The following NDNF variants were observed in gnomAD, a reference collection of about 807,000 sequenced individuals.
The protein encoded by NDNF is neuron derived neurotrophic factor.
Under a neutral mutation model 42.0 loss-of-function variants are expected in NDNF, and 16 were observed. The observed-to-expected ratio is 0.38, with a 90% CI of 0.26 to 0.58. The LOEUF is 0.58. NDNF is among the 20% of genes least tolerant of loss of function. The pLI is 0.67. For missense variants in NDNF, 616 were observed against 666.2 expected, an observed-to-expected ratio of 0.92 and a Z score of 0.83; for synonymous variants, 248 against 251.7, an observed-to-expected ratio of 0.99 and a Z score of 0.14.
At position 121,072,018 on chromosome 4, in the gene NDNF, G is replaced by A. The variant is rs1475317738; in HGVS notation, c.-27C>T. On this transcript the variant is annotated 5_prime_UTR_variant, in exon 1 of 4. Coordinates refer to ENST00000379692, the MANE Select transcript of NDNF (RefSeq NM_024574.4). ...CTTAAAAAGATCTGTTTTTCGTAGG[G>A]AAAATAGAAAAAAATCCCTCCCCGT... 6.6e-6 allele frequency: 1 copy of A among 152,216 alleles called. No homozygotes were observed. The highest frequency in any genetic ancestry group is 2.4e-5 in the African/African-American group (1 of 41,398). 9.4% of individuals were successfully genotyped at this position (152,216 alleles called of 1,614,324 possible). A position where few individuals can be genotyped will look rare whatever the true frequency, so the allele number is the denominator to read the frequency against.
rs1376591297 is a variant in NDNF, at chr4:121,039,188, GTGTGTATATA to G, written c.313+732_313+741del. Among the ~76,000 whole-genome samples the G allele has an allele frequency of 2.6e-3, 171 of 66,576 alleles. 1 individual carries two copies. Among genetic ancestry groups the G allele is most frequent in the African/African-American group, 0.012 (156 of 13,080 alleles). 43.7% of individuals were successfully genotyped at this position (66,576 alleles called of 152,430 possible). On this transcript the variant is annotated intron_variant, in intron 3 of 3. Transcript: ENST00000379692. Reference sequence around the variant, plus strand: ...ATATATATAAAGACTATGTGTGTGTGTGTGTATATATATATATATATATATATATATATAT... The same window carrying G: ...ATATATATAAAGACTATGTGTGTGTGTATATATATATATATATATATATAT...
intron 1 of NDNF, among the ~76,000 whole-genome samples, chr4:121,070,861 G>A (rs1053873454): frequency 2.0e-5 from 3 of 152,200 alleles, no homozygotes; most frequent in African/African-American, 7.2e-5. Flanking sequence ...CCCCGAAGGG[G>A]GCCAGGAGGG....
At chr4:121,070,749 T>TAAC (rs942126636) in intron 1 of NDNF, among the ~76,000 whole-genome samples, 3 of 151,836 alleles carry the variant, frequency 2.0e-5, no homozygotes, top group Non-Finnish European at 4.4e-5. Flanking sequence ...GGAAAAAACA[T>TAAC]AACAACAACA....
intron 3 of NDNF, among the ~76,000 whole-genome samples, chr4:121,039,328 G>A (rs1726955464): frequency 6.7e-6 from 1 of 149,672 alleles, no homozygotes. Flanking sequence ...CTTTCAGGGT[G>A]CCATACAAAC....
intron 1 of NDNF, among the ~76,000 whole-genome samples, chr4:121,070,627 T>C (rs145928589): frequency 6.6e-6 from 1 of 151,662 alleles, no homozygotes; most frequent in Admixed American, 6.6e-5. Flanking sequence ...AGCAACTAAA[T>C]GAAAAAATAA....
rs779577543 is a variant in NDNF at position 121,037,558 on chromosome 4, G to A, written c.413C>T (p.Ser138Leu). Reference protein sequence around the residue: ...YKGNDVEYFISSSSPSGLYQL... With the variant: ...YKGNDVEYFILSSSPSGLYQL... Reference sequence around the variant, plus strand: ...ATATAAACCGGATGGGGAACTAGACGATATAAAATACTCAACATCATTGCC... The same window carrying A: ...ATATAAACCGGATGGGGAACTAGACAATATAAAATACTCAACATCATTGCC... The change falls in exon 4 of 4, where the codon TCG (serine) becomes TTG (leucine). Residue 138 changes from serine to leucine, a missense_variant. Coordinates refer to ENST00000379692, the MANE Select transcript of NDNF (RefSeq NM_024574.4). 24 of 1,613,580 alleles carry A rather than the reference G, an allele frequency of 1.5e-5. No homozygotes were observed. Among genetic ancestry groups the A allele is most frequent in the East Asian group, 4.5e-5 (2 of 44,878 alleles).
intron 1 of NDNF, among the ~76,000 whole-genome samples, chr4:121,065,303 C>A (rs1228117468): frequency 6.6e-6 from 1 of 151,590 alleles, no homozygotes; most frequent in Non-Finnish European, 1.5e-5. Flanking sequence ...TTCCTTCTTA[C>A]ACCATAATGA....
intron 3 of NDNF, chr4:121,038,962 G>A (rs1207565979): frequency 7.4e-6 from 1 of 135,040 alleles, no homozygotes; most frequent in African/African-American, 2.8e-5. Flanking sequence ...ACTCCTAAGC[G>A]ACAGAGCAAG....
At chr4:121,044,090 T>G (rs1727049441) in intron 2 of NDNF, among the ~76,000 whole-genome samples, 1 of 152,198 alleles carries the variant, frequency 6.6e-6, no homozygotes, top group South Asian at 2.1e-4. Flanking sequence ...AGTGTGTTCA[T>G]GCAAACAAAT....
rs180688660 is a variant in NDNF at position 121,052,062 on chromosome 4, C to T, written c.-1-6224G>A. 4.5e-4 allele frequency among the ~76,000 whole-genome samples: 69 copies of T among 152,292 alleles called. 1 individual carries two copies. In the East Asian group the frequency reaches 0.012, roughly 26 times the overall value. On this transcript the variant is annotated intron_variant, in intron 1 of 3. Coordinates refer to ENST00000379692, the MANE Select transcript of NDNF (RefSeq NM_024574.4). ...CTCAGAACAGCAGCCAACAGCTTTA[C>T]CTACCTGTGATAATATGATCAAAAC... is the stretch of plus-strand genomic sequence containing the variant.
chr4:121,052,266 C>T (rs921081171), intron 1 of NDNF, among the ~76,000 whole-genome samples: 19 of 152,088 alleles, frequency 1.2e-4, no homozygotes, highest in African/African-American at 4.6e-4. Flanking sequence ...CACTGAGATT[C>T]GCTTAAAAAT....
intron 1 of NDNF, among the ~76,000 whole-genome samples, chr4:121,059,935 T>C (rs1727374283): frequency 1.3e-5 from 2 of 152,166 alleles, no homozygotes; most frequent in Non-Finnish European, 2.9e-5. Context: ...CCTGTATTTT[T>C]ATTTTGAAAC....
rs764050819 is a variant in NDNF, at chr4:121,037,476, T to G, written c.495A>C (p.Thr165=). The G allele has an allele frequency of 3.0e-5, 48 of 1,614,008 alleles. No homozygotes were observed. The highest frequency in any genetic ancestry group is 4.0e-5 in the Non-Finnish European group (47 of 1,180,020). The change falls in exon 4 of 4, where the codon ACA becomes ACC. Residue 165 remains threonine (T), a synonymous_variant. Coordinates refer to ENST00000379692, the MANE Select transcript of NDNF (RefSeq NM_024574.4). Reference sequence around the variant, plus strand: ...GGTATGGCTGATCAGATTCTGGAGTTGTGGTGGCATATACTTTGAAATGTG... The same window carrying G: ...GGTATGGCTGATCAGATTCTGGAGTGGTGGTGGCATATACTTTGAAATGTG... ...KDTHFKVYAT[T]TPESDQPYPE...
At chr4:121,057,882 A>G (rs1257891012) in intron 1 of NDNF, among the ~76,000 whole-genome samples, 2 of 152,214 alleles carry the variant, frequency 1.3e-5, no homozygotes, top group Admixed American at 6.5e-5. Context: ...TACACTGTCA[A>G]TAAGTCAACC....
Position 121,036,763 on chromosome 4 carries a change from C to T in NDNF, c.1208G>A (p.Gly403Asp). 6.2e-7 allele frequency: 1 copy of T among 1,614,090 alleles called. No homozygotes were observed. The highest frequency in any genetic ancestry group is 8.5e-7 in the Non-Finnish European group (1 of 1,180,028). ...TCCTCTAAGCTGAAACTGCTGAATG[C>T]CTTCCACATTCTGAGACAGAAGAAG... ...GKLLLSQNVE[G>D]IQQFQLRGKP... Residue 403 changes from glycine to aspartate, a missense_variant, in exon 4 of 4, where the codon GGC becomes GAC. Gly to Asp is a moderately conservative substitution (Grantham distance 94). Transcript: ENST00000379692.
At position 121,035,960 on chromosome 4, in the gene NDNF, A is replaced by T. The variant is rs1280117635; in HGVS notation, c.*304T>A. On this transcript the variant is annotated 3_prime_UTR_variant, in exon 4 of 4. Transcript: ENST00000379692. ...ATGGCATATTTTAAATTTTTAGGTA[A>T]TAAAATAATTTAGAAGCAGTTCATG... 4.0e-6 allele frequency: 1 copy of T among 247,896 alleles called. No homozygotes were observed. 15.4% of individuals were successfully genotyped at this position (247,896 alleles called of 1,614,324 possible). A position where few individuals can be genotyped will look rare whatever the true frequency, so the allele number is the denominator to read the frequency against.
At chr4:121,046,679 C>G (rs1364445706) in intron 1 of NDNF, among the ~76,000 whole-genome samples, 1 of 152,196 alleles carries the variant, frequency 6.6e-6, no homozygotes. Flanking sequence ...GTCTTAACCT[C>G]CAGCAGAGAG....
Position 121,045,691 on chromosome 4 carries a change from T to C in NDNF, c.147A>G (p.Gly49=). 6.2e-7 allele frequency: 1 copy of C among 1,614,152 alleles called. No individual in the cohort carries two copies. The highest frequency in any genetic ancestry group is 8.5e-7 in the Non-Finnish European group (1 of 1,180,020). The change falls in exon 2 of 4, where the codon GGA becomes GGG. Residue 49 remains glycine (G), a synonymous_variant. Coordinates refer to ENST00000379692, the MANE Select transcript of NDNF (RefSeq NM_024574.4). Reference sequence around the variant, plus strand: ...TAAAGAGATAACTGCTAATTTCAGCTCCATCTGGAATTACTGACGAATCAT... The same window carrying C: ...TAAAGAGATAACTGCTAATTTCAGCCCCATCTGGAATTACTGACGAATCAT... ...FFHDSSVIPD[G]AEISSYLFRD... is the part of the protein sequence containing the mutation.
At chr4:121,062,552 A>G (rs141333743) in intron 1 of NDNF, among the ~76,000 whole-genome samples, 3 of 152,370 alleles carry the variant, frequency 2.0e-5, no homozygotes, top group African/African-American at 7.2e-5. Context: ...GCAAATTGTG[A>G]TGAAATAATA....
Sources: allele counts gnomAD v4.1 joint callset (sites outside exome capture counted in the v4.1 genomes callset), GRCh38; gene constraint gnomAD v4.1.1; transcripts MANE v1.5; gene names NCBI Gene and HGNC (gene_info 2026-07-23, HGNC 2026-07-21).